Variants in ZNF208 observed in about 807,000 individuals in gnomAD.
ZNF208 encodes zinc finger protein 95.
ZNF208 carries 10 observed loss-of-function variants against 12.1 expected under a neutral mutation model. The ratio of observed to expected loss-of-function variants is 0.83; its 90% CI spans 0.51 to 1.40. The LOEUF (loss-of-function observed/expected upper bound fraction) is 1.40, where lower values mean the gene tolerates loss of function less well. Ranked by LOEUF, ZNF208 falls within the 40% of genes most tolerant of loss-of-function variation. The probability of loss-of-function intolerance (pLI) is 0.00; values close to 1 mark genes in which losing one functional copy is unlikely to be tolerated. For synonymous variants in ZNF208, 497 were observed against 488.4 expected, an observed-to-expected ratio of 1.02 and a Z score of -0.23; for missense variants, 1,652 against 1,485.0, an observed-to-expected ratio of 1.11 and a Z score of -1.85.
downstream of ZNF208, among the ~76,000 whole-genome samples, chr19:21,961,627 A>T (rs1274916243): frequency 1.3e-5 from 2 of 152,034 alleles, no homozygotes; most frequent in Non-Finnish European, 2.9e-5. Flanking sequence ...TCCTTATCTC[A>T]ATCACATAAG....
At chr19:21,991,692 A>T (rs1185518077) in intron 1 of ZNF208, 1 of 147,380 alleles carries the variant, frequency 6.8e-6, no homozygotes, top group Non-Finnish European at 1.5e-5. Context: ...GTTAGCCGAG[A>T]TCATGCCATT....
intron 4 of ZNF208, among the ~76,000 whole-genome samples, chr19:21,947,509 T>C (rs2097733): frequency 0.62 from 93,861 of 152,008 alleles, 29,713 homozygotes; most frequent in African/African-American, 0.74. Context: ...GCCTTGTCAA[T>C]GCTCCCTCCA....
chr19:21,987,196 C>T lies in ZNF208; in HGVS notation c.226+20G>A, dbSNP rs1184885029. ...ACTTTCGACCTCTCATCCATGTTGT[C>T]TGTATTCACTCTCACCTACCTGGGG... On this transcript the variant is annotated intron_variant, in intron 3 of 3. Transcript: ENST00000397126. The T allele has an allele frequency of 5.6e-6, 9 of 1,604,064 alleles. No individual in the cohort carries two copies. The highest frequency in any genetic ancestry group is 7.7e-6 in the Non-Finnish European group (9 of 1,176,202).
At chr19:21,975,539 T>C (rs1421890147) in intron 3 of ZNF208, among the ~76,000 whole-genome samples, 39 of 152,168 alleles carry the variant, frequency 2.6e-4, no homozygotes, top group Non-Finnish European at 8.8e-5. Flanking sequence ...AGCTACATTA[T>C]AAATTTTGTG....
At chr19:21,982,226 C>T (rs1441446085) in intron 3 of ZNF208, among the ~76,000 whole-genome samples, 3 of 151,758 alleles carry the variant, frequency 2.0e-5, no homozygotes, top group Non-Finnish European at 2.9e-5. Context: ...GGCATGGTGG[C>T]AGGCGCCTGT....
intron 4 of ZNF208, among the ~76,000 whole-genome samples, chr19:21,959,621 C>T (rs145856648): frequency 0.011 from 1,725 of 152,222 alleles, 17 homozygotes; most frequent in Middle Eastern, 0.024. Context: ...AATAAAGTGA[C>T]TGCGGATTAA....
intron 4 of ZNF208, among the ~76,000 whole-genome samples, chr19:21,945,836 CA>C (rs1969807722): frequency 6.6e-6 from 1 of 151,802 alleles, no homozygotes; most frequent in Non-Finnish European, 1.5e-5. Context: ...GATAGCAAGG[CA>C]AGGGTTTATG....
intron 1 of ZNF208, among the ~76,000 whole-genome samples, chr19:22,009,912 G>A (rs117014478): frequency 0.011 from 1,694 of 152,238 alleles, 20 homozygotes; most frequent in Non-Finnish European, 0.014. Context: ...AAGGCCGGGC[G>A]CGGTGGCTTA....
At chr19:21,991,229 A>G (rs553386493) in intron 1 of ZNF208, among the ~76,000 whole-genome samples, 1 of 152,250 alleles carries the variant, frequency 6.6e-6, no homozygotes, top group South Asian at 2.1e-4. Context: ...TCAGTATGAT[A>G]TTGGCTGTGA....
intron 1 of ZNF208, among the ~76,000 whole-genome samples, chr19:22,006,860 T>G (rs1971053648): frequency 6.6e-6 from 1 of 152,216 alleles, no homozygotes; most frequent in African/African-American, 2.4e-5. Context: ...GAGAAGCAAA[T>G]GTATTTATTT....
chr19:21,987,111 G>A, intron 3 of ZNF208, 105 bp downstream of exon 3: 1 of 1,232,308 alleles, frequency 8.1e-7, no homozygotes, highest in Non-Finnish European at 1.1e-6. Flanking sequence ...AGTCTCTCCA[G>A]AAACTACTTC....
intron 1 of ZNF208, among the ~76,000 whole-genome samples, chr19:22,005,934 G>GCT (rs747073407): frequency 4.0e-4 from 61 of 152,148 alleles, no homozygotes; most frequent in Non-Finnish European, 6.6e-4. Flanking sequence ...CTTAGATGGT[G>GCT]CTCTTTTCTT....
chr19:21,948,210 T>C (rs1360716333), intron 4 of ZNF208, among the ~76,000 whole-genome samples: 1 of 152,104 alleles, frequency 6.6e-6, no homozygotes, highest in African/African-American at 2.4e-5. Context: ...TCTTTAACCC[T>C]GAAACTCTAA....
At chr19:22,009,796 A>G (rs1971110645) in intron 1 of ZNF208, among the ~76,000 whole-genome samples, 1 of 151,496 alleles carries the variant, frequency 6.6e-6, no homozygotes, top group Admixed American at 6.6e-5. Flanking sequence ...GTAAATTACT[A>G]CATTGGGGGA....
Position 21,993,258 on chromosome 19 carries a change from C to G in ZNF208, c.4-4349G>C, listed in dbSNP as rs370481562. Among the ~76,000 whole-genome samples, 513 of 152,280 alleles carry G rather than the reference C, an allele frequency of 3.4e-3. 3 individuals are homozygous for G. Among genetic ancestry groups the G allele is most frequent in the South Asian group, 0.024 (117 of 4,814 alleles). On this transcript the variant is annotated intron_variant, in intron 1 of 3. Coordinates refer to ENST00000397126, the MANE Select transcript of ZNF208 (RefSeq NM_007153.3). ...CACAGTAATGGAAATATGGGCCACG[C>G]TGTACTGTCCCTACCAAATCCAAAC...
At chr19:22,009,505 T>C (rs899321536) in intron 1 of ZNF208, 2 of 152,158 alleles carry the variant, frequency 1.3e-5, no homozygotes, top group Non-Finnish European at 2.9e-5. Context: ...TCCCAGCACT[T>C]TGGGAGGCCG....
chr19:22,003,818 T>A (rs926524346), intron 1 of ZNF208, among the ~76,000 whole-genome samples: 1 of 152,144 alleles, frequency 6.6e-6, no homozygotes, highest in African/African-American at 2.4e-5. Flanking sequence ...GCAGCACTAT[T>A]CACAACAGCA....
intron 4 of ZNF208, among the ~76,000 whole-genome samples, chr19:21,961,072 C>A (rs1378690713): frequency 1.3e-5 from 2 of 152,188 alleles, no homozygotes; most frequent in Non-Finnish European, 2.9e-5. Context: ...TGTAGATGTT[C>A]TGAATTGTGT....
At chr19:21,945,204 C>T (rs8113460) in intron 4 of ZNF208, among the ~76,000 whole-genome samples, 24,520 of 152,038 alleles carry the variant, frequency 0.16, 2,144 homozygotes, top group Middle Eastern at 0.2. Context: ...TATAAGACTC[C>T]CATAAAAAAG....
Sources: allele counts gnomAD v4.1 joint callset (sites outside exome capture counted in the v4.1 genomes callset), GRCh38; gene constraint gnomAD v4.1.1; transcripts MANE v1.5; gene names NCBI Gene and HGNC (gene_info 2026-07-23, HGNC 2026-07-21).